TSPAN9: variants seen among roughly 807,000 people sequenced by gnomAD.
TSPAN9 encodes tetraspanin-9.
In TSPAN9, 16 loss-of-function variants were observed where a neutral mutation model predicts 31.0. The observed-to-expected ratio is 0.52, with a 90% CI of 0.35 to 0.78. The LOEUF (loss-of-function observed/expected upper bound fraction) is 0.78. Ranked by LOEUF, TSPAN9 falls within the 30% of genes least tolerant of loss-of-function variation. The pLI is 0.01. For missense variants in TSPAN9, 272 were observed against 312.5 expected, an observed-to-expected ratio of 0.87 and a Z score of 0.98; for synonymous variants, 145 against 121.6, an observed-to-expected ratio of 1.19 and a Z score of -1.27.
At chr12:3,186,320 T>C (rs1565606429) in intron 2 of TSPAN9, among the ~76,000 whole-genome samples, 1 of 152,086 alleles carries the variant, frequency 6.6e-6, no homozygotes, top group Non-Finnish European at 1.5e-5. Flanking sequence ...AGAAGAGAGA[T>C]GGAGTGTGCT....
chr12:3,191,575 G>A (rs2098364436), intron 2 of TSPAN9, among the ~76,000 whole-genome samples: 1 of 152,166 alleles, frequency 6.6e-6, no homozygotes, highest in African/African-American at 2.4e-5. Context: ...TTGTTCCTTA[G>A]GTGGCACGAG....
chr12:3,077,876 C>T (rs112224683), intron 1 of TSPAN9, among the ~76,000 whole-genome samples: 4 of 152,294 alleles, frequency 2.6e-5, no homozygotes, highest in African/African-American at 9.6e-5. Flanking sequence ...TGGCCTGCAG[C>T]CCCCCGGCAC....
rs2098350047 is a variant in TSPAN9, at chr12:3,168,768, G to A, written c.-17-32409G>A. Among the ~76,000 whole-genome samples the A allele has an allele frequency of 6.6e-6, 1 of 152,100 alleles. No homozygotes were observed. The highest frequency in any genetic ancestry group is 1.5e-5 in the Non-Finnish European group (1 of 68,008). On this transcript the variant is annotated intron_variant, in intron 2 of 8. Coordinates refer to ENST00000011898, the MANE Select transcript of TSPAN9 (RefSeq NM_006675.5). This position sits in a 1 kb window ranked among gnomAD's most constrained non-coding sequence, Gnocchi z 4.0. ...CTCTGGGAAGCTGAGGCCACTCTCC[G>A]CCCCCTCTCTTTTCTGTGTCTCCAC...
intron 2 of TSPAN9, among the ~76,000 whole-genome samples, chr12:3,086,942 C>CA (rs769465878): frequency 9.9e-5 from 15 of 152,214 alleles, no homozygotes; most frequent in Non-Finnish European, 1.9e-4. Context: ...TTGCTGGAAA[C>CA]ACACACAGTC....
chr12:3,124,056 G>T (rs1330061384), intron 2 of TSPAN9, among the ~76,000 whole-genome samples: 1 of 152,244 alleles, frequency 6.6e-6, no homozygotes, highest in East Asian at 1.9e-4. Context: ...GAGCTGCCAG[G>T]GTAGTTTGGA....
intron 2 of TSPAN9, among the ~76,000 whole-genome samples, chr12:3,133,018 G>T (rs566052224): frequency 6.6e-6 from 1 of 152,332 alleles, no homozygotes; most frequent in South Asian, 2.1e-4. Flanking sequence ...TTGCTCCCTT[G>T]GAGTATGACT....
chr12:3,190,269 T>C (rs1032032097), intron 2 of TSPAN9, among the ~76,000 whole-genome samples: 2 of 152,220 alleles, frequency 1.3e-5, no homozygotes, highest in Admixed American at 1.3e-4. Context: ...TGGAGTGGTT[T>C]AGGAATATTG....
At chr12:3,185,251 C>G (rs1384235356) in intron 2 of TSPAN9, among the ~76,000 whole-genome samples, 1 of 152,180 alleles carries the variant, frequency 6.6e-6, no homozygotes, top group Non-Finnish European at 1.5e-5. Flanking sequence ...TAAGCTATCT[C>G]AGACAGTAGC....
At position 3,168,296 on chromosome 12, in the gene TSPAN9, A is replaced by G. The variant is rs1382082308; in HGVS notation, c.-17-32881A>G. Among the ~76,000 whole-genome samples the G allele has an allele frequency of 6.6e-6, 1 of 152,250 alleles. No individual in the cohort carries two copies. Among genetic ancestry groups the G allele is most frequent in the Non-Finnish European group, 1.5e-5 (1 of 68,052 alleles). ...AACCTTTTTAGTTGCTAAGGTCTTCATAAAATCTCCCCTCTAGCGCTCGTC... is the reference window on the plus strand; with the variant it reads ...AACCTTTTTAGTTGCTAAGGTCTTCGTAAAATCTCCCCTCTAGCGCTCGTC... On this transcript the variant is annotated intron_variant, in intron 2 of 8. Transcript: ENST00000011898. This position sits in a 1 kb window ranked among gnomAD's most constrained non-coding sequence, Gnocchi z 4.0.
intron 2 of TSPAN9, among the ~76,000 whole-genome samples, chr12:3,090,229 G>A (rs1045031235): frequency 3.3e-5 from 5 of 151,994 alleles, no homozygotes; most frequent in Admixed American, 6.5e-5. Flanking sequence ...CGTAGTTGGC[G>A]CAGACTTGCT....
intron 2 of TSPAN9, among the ~76,000 whole-genome samples, chr12:3,198,652 A>T (rs2098368918): frequency 9.8e-6 from 1 of 101,892 alleles, no homozygotes; most frequent in Non-Finnish European, 2.0e-5. Flanking sequence ...GCTCACCACC[A>T]GCACAGCTCA....
chr12:3,250,126 G>T (rs1023226643), intron 3 of TSPAN9, among the ~76,000 whole-genome samples: 1 of 152,088 alleles, frequency 6.6e-6, no homozygotes, highest in African/African-American at 2.4e-5. Flanking sequence ...CAGTGCCCCT[G>T]TTTCCTGTCA....
At chr12:3,205,152 G>A (rs766060006) in intron 3 of TSPAN9, among the ~76,000 whole-genome samples, 1 of 152,188 alleles carries the variant, frequency 6.6e-6, no homozygotes, top group Non-Finnish European at 1.5e-5. Flanking sequence ...TGGCGTAATT[G>A]CTACTTAGGA....
chr12:3,152,398 CCTT>C (rs2098340255), intron 2 of TSPAN9, among the ~76,000 whole-genome samples: 1 of 150,442 alleles, frequency 6.6e-6, no homozygotes, highest in Admixed American at 6.6e-5. Context: ...CTGTGGCAGT[CCTT>C]CTGTCCTTCT....
intron 3 of TSPAN9, chr12:3,211,540 T>A: frequency 1.3e-6 from 1 of 775,028 alleles, no homozygotes; most frequent in Non-Finnish European, 2.0e-6. Flanking sequence ...CCTTTTGATA[T>A]TTTGGTTGAC....
Position 3,107,092 on chromosome 12 carries a change from C to T in TSPAN9, c.-18+23373C>T, listed in dbSNP as rs1307589578. Among the ~76,000 whole-genome samples the T allele has an allele frequency of 1.3e-5, 2 of 152,118 alleles. No homozygotes were observed. Among genetic ancestry groups the T allele is most frequent in the Non-Finnish European group, 2.9e-5 (2 of 68,016 alleles). On this transcript the variant is annotated intron_variant, in intron 2 of 8. Coordinates refer to ENST00000011898, the MANE Select transcript of TSPAN9 (RefSeq NM_006675.5). This position sits in a 1 kb window ranked among gnomAD's most constrained non-coding sequence, Gnocchi z 4.1. Reference sequence around the variant, plus strand: ...TTTGTTTCTATTTCAGAAACCTTGCCGCCACCACCACCACTGCTGCCACCG... The same window carrying T: ...TTTGTTTCTATTTCAGAAACCTTGCTGCCACCACCACCACTGCTGCCACCG...
intron 2 of TSPAN9, among the ~76,000 whole-genome samples, chr12:3,128,684 C>G (rs2098328418): frequency 6.6e-6 from 1 of 152,206 alleles, no homozygotes; most frequent in African/African-American, 2.4e-5. Flanking sequence ...GGTAACCACT[C>G]TGTTCCTCAC....
chr12:3,175,778 G>A (rs1312450559), intron 2 of TSPAN9, among the ~76,000 whole-genome samples: 4 of 152,140 alleles, frequency 2.6e-5, no homozygotes, highest in African/African-American at 4.8e-5. Context: ...GTGTGGGACC[G>A]GCATCGCACC....
chr12:3,091,599 C>T (rs1245347362), intron 2 of TSPAN9, among the ~76,000 whole-genome samples: 1 of 152,214 alleles, frequency 6.6e-6, no homozygotes, highest in Non-Finnish European at 1.5e-5. Context: ...ATGAAATGCA[C>T]TTTCTCGTGC....
Sources: gnomAD v4.1 joint callset for allele counts (sites outside exome capture counted in the v4.1 genomes callset) on GRCh38, gnomAD v4.1.1 for gene constraint, Gnocchi (gnomAD v3.1) non-coding constraint, MANE v1.5 for transcripts, NCBI Gene and HGNC (gene_info 2026-07-23, HGNC 2026-07-21) for gene names.